Variants in HMGCLL1 observed in about 807,000 individuals in gnomAD.
HMGCLL1 encodes the protein 3-hydroxy-3-methylglutaryl-CoA lyase like 1, also known as 3-hydroxymethyl-3-methylglutaryl-CoA lyase, cytoplasmic.
A neutral mutation model predicts 39.1 loss-of-function variants in HMGCLL1; 36 were observed. The ratio of observed to expected loss-of-function variants is 0.92; its 90% CI spans 0.71 to 1.22. The LOEUF is 1.22. Among genes scored for constraint, HMGCLL1 ranks in the 50% most tolerant of loss-of-function variants. The probability of loss-of-function intolerance (pLI) is 0.00; values close to 1 mark genes in which losing one functional copy is unlikely to be tolerated. For synonymous variants in HMGCLL1, 149 were observed against 144.0 expected, an observed-to-expected ratio of 1.03 and a Z score of -0.25; for missense variants, 451 against 416.5, an observed-to-expected ratio of 1.08 and a Z score of -0.72.
the HMGCLL1 span, among the ~76,000 whole-genome samples, chr6:55,628,525 A>C: frequency 6.6e-6 from 1 of 151,734 alleles, no homozygotes; most frequent in Non-Finnish European, 1.5e-5. Flanking sequence ...GCTGGTCTTG[A>C]ACACCTGATC....
the HMGCLL1 span, among the ~76,000 whole-genome samples, chr6:55,649,690 C>A: frequency 6.6e-6 from 1 of 151,914 alleles, no homozygotes; most frequent in Non-Finnish European, 1.5e-5. Flanking sequence ...CTCTCTCTAC[C>A]TCCTCTTTAA....
chr6:55,517,103 T>C (rs1358384189), intron 3 of HMGCLL1, among the ~76,000 whole-genome samples: 4 of 152,200 alleles, frequency 2.6e-5, no homozygotes, highest in South Asian at 2.1e-4. Context: ...TTGGTGAGCA[T>C]TGGTGCTTTA....
chr6:55,489,631 A>C lies in HMGCLL1; in HGVS notation c.795+5788T>G, dbSNP rs1006028147. 2.6e-5 allele frequency among the ~76,000 whole-genome samples: 4 copies of C among 152,072 alleles called. No homozygotes were observed. In the South Asian group the frequency reaches 8.3e-4, roughly 32 times the overall value. On this transcript the variant is annotated intron_variant, in intron 7 of 8. Coordinates refer to ENST00000274901, the MANE Select transcript of HMGCLL1 (RefSeq NM_001042406.2). ...ACCATAATGAGTTGTACTGATTTTA[A>C]ACTTGCAATATTATGTCTGAAGGAA... is the stretch of plus-strand genomic sequence containing the variant.
chr6:55,672,808 T>G, the HMGCLL1 span, among the ~76,000 whole-genome samples: 1 of 151,964 alleles, frequency 6.6e-6, no homozygotes, highest in Non-Finnish European at 1.5e-5. Context: ...TTATTAGTAA[T>G]CAGCACTTCT....
At chr6:55,507,518 T>A (rs546519895) in intron 5 of HMGCLL1, among the ~76,000 whole-genome samples, 1 of 151,948 alleles carries the variant, frequency 6.6e-6, no homozygotes, top group Admixed American at 6.6e-5. Context: ...ATGACTTATA[T>A]TGTTTGTTTT....
intron 6 of HMGCLL1, among the ~76,000 whole-genome samples, chr6:55,496,449 A>T (rs538636374): frequency 6.6e-6 from 1 of 152,156 alleles, no homozygotes; most frequent in Non-Finnish European, 1.5e-5. Context: ...AACTATTGTA[A>T]TAATTTTGTA....
intron 6 of HMGCLL1, among the ~76,000 whole-genome samples, chr6:55,497,901 CT>C (rs1766661073): frequency 6.6e-6 from 1 of 152,040 alleles, no homozygotes; most frequent in Admixed American, 6.6e-5. Context: ...AAAGCAAAAA[CT>C]GAGGAGGGAG....
chr6:55,435,518 G>A lies in HMGCLL1; in HGVS notation c.*144C>T. The A allele has an allele frequency of 2.2e-6, 1 of 446,658 alleles. No individual in the cohort carries two copies. The highest frequency in any genetic ancestry group is 4.0e-6 in the Non-Finnish European group (1 of 247,238). The allele number at this position is 446,658 out of a possible 1,614,324, so 27.7% of individuals were successfully genotyped here. On this transcript the variant is annotated 3_prime_UTR_variant, in exon 9 of 9. Transcript: ENST00000274901. ...GCATTTTGTTGACTTAATCTATCCA[G>A]TTATAATCTTTTTGAAAAGGATCTC...
chr6:55,582,481 G>A (rs975939019), upstream of HMGCLL1, among the ~76,000 whole-genome samples: 10 of 152,078 alleles, frequency 6.6e-5, no homozygotes, highest in Admixed American at 2.6e-4. Context: ...GGGGGTGGGG[G>A]TAAGTCATAT....
At chr6:55,500,178 T>C (rs1005223365) in intron 5 of HMGCLL1, among the ~76,000 whole-genome samples, 9 of 151,964 alleles carry the variant, frequency 5.9e-5, no homozygotes, top group Non-Finnish European at 1.0e-4. Flanking sequence ...GGGGTCACAA[T>C]ATGAAAGGGT....
In HMGCLL1 at chr6:55,554,133, G is replaced by A. The variant is rs1770519218; in HGVS notation, c.109-11993C>T. Among the ~76,000 whole-genome samples the A allele has an allele frequency of 2.0e-5, 3 of 152,168 alleles. No individual in the cohort carries two copies. In the South Asian group the frequency reaches 6.2e-4, roughly 32 times the overall value. ...ATAATGCCATAAGTGAATACAGGGG[G>A]CACAGCTAGTTACTTGTTAGAAATG... On this transcript the variant is annotated intron_variant, in intron 1 of 8. Transcript: ENST00000274901.
the HMGCLL1 span, among the ~76,000 whole-genome samples, chr6:55,673,396 A>G: frequency 5.3e-5 from 8 of 152,082 alleles, no homozygotes; most frequent in East Asian, 3.9e-4. Context: ...CCTGTGTCCA[A>G]TGATTACCAA....
the HMGCLL1 span, among the ~76,000 whole-genome samples, chr6:55,665,955 C>T: frequency 6.6e-6 from 1 of 151,602 alleles, no homozygotes; most frequent in East Asian, 1.9e-4. Context: ...CAACTGAAAC[C>T]TACAGGAAGG....
the HMGCLL1 span, among the ~76,000 whole-genome samples, chr6:55,624,995 T>A: frequency 6.6e-6 from 1 of 152,118 alleles, no homozygotes; most frequent in Non-Finnish European, 1.5e-5. Flanking sequence ...CTCTGCCACT[T>A]GAGCCACATG....
intron 4 of HMGCLL1, 135 bp from the exon 5 acceptor site, chr6:55,514,331 C>A: frequency 3.3e-6 from 2 of 607,098 alleles, no homozygotes; most frequent in Non-Finnish European, 5.5e-6. Context: ...AAATTGGATT[C>A]CTCTCATCTT....
At position 55,495,486 on chromosome 6, in the gene HMGCLL1, C is replaced by G. The variant is rs201440045; in HGVS notation, c.728G>C (p.Gly243Ala). 4.3e-6 allele frequency: 7 copies of G among 1,613,980 alleles called. No homozygotes were observed. The highest frequency in any genetic ancestry group is 3.3e-5 in the Admixed American group (2 of 60,016). ...LESVMKEIPP[G>A]ALAVHCHDTY... ...GTCATGACAGTGAACAGCAAGAGCA[C>G]CTGGTGGGATTTCTTTCATCACACT... The change falls in exon 7 of 9, where the codon GGT (glycine) becomes GCT (alanine). Residue 243 changes from glycine to alanine, a missense_variant. By Grantham distance (60) the Gly-to-Ala change is moderately conservative. Coordinates refer to ENST00000274901, the MANE Select transcript of HMGCLL1 (RefSeq NM_001042406.2).
At chr6:55,444,288 C>G (rs545480162) in intron 7 of HMGCLL1, among the ~76,000 whole-genome samples, 1 of 151,998 alleles carries the variant, frequency 6.6e-6, no homozygotes, top group East Asian at 1.9e-4. Context: ...ATCAAAGAGT[C>G]CTTTCTAGAA....
intron 1 of HMGCLL1, among the ~76,000 whole-genome samples, chr6:55,550,023 G>A (rs1371308555): frequency 1.3e-5 from 2 of 151,836 alleles, no homozygotes; most frequent in Non-Finnish European, 2.9e-5. Flanking sequence ...GAGCATTTGC[G>A]TGACTACAGA....
At chr6:55,553,202 C>CACACACACACAT (rs1554158788) in intron 1 of HMGCLL1, among the ~76,000 whole-genome samples, 2 of 148,534 alleles carry the variant, frequency 1.3e-5, no homozygotes, top group African/African-American at 5.0e-5. Context: ...CACACACACA[C>CACACACACACAT]ATACACACAC....
Sources: allele counts gnomAD v4.1 joint callset (sites outside exome capture counted in the v4.1 genomes callset), GRCh38; gene constraint gnomAD v4.1.1; transcripts MANE v1.5; gene names NCBI Gene and HGNC (gene_info 2026-07-23, HGNC 2026-07-21).